The following A1BG variants were observed in gnomAD, a reference collection of about 807,000 sequenced individuals.
The protein encoded by A1BG is alpha-1-B glycoprotein.
In A1BG, 44 loss-of-function variants were observed where a neutral mutation model predicts 46.0. The observed-to-expected ratio is 0.96, with a 90% CI of 0.75 to 1.23. The LOEUF (loss-of-function observed/expected upper bound fraction) is 1.23, where lower values mean the gene tolerates loss of function less well. Among genes scored for constraint, A1BG ranks in the 50% most tolerant of loss-of-function variants. A1BG has a pLI of 0.00. For missense variants in A1BG, 707 were observed against 688.8 expected, an observed-to-expected ratio of 1.03 and a Z score of -0.30; for synonymous variants, 316 against 314.7, an observed-to-expected ratio of 1.00 and a Z score of -0.04.
rs2051948460 is a variant in A1BG at position 58,350,565 on chromosome 19, G to A, written c.997C>T (p.Arg333Cys). 1 of 1,542,340 alleles carries A rather than the reference G, an allele frequency of 6.5e-7. No individual in the cohort carries two copies. Among genetic ancestry groups the A allele is most frequent in the East Asian group, 2.5e-5 (1 of 40,390 alleles). ...CTGTCCTCGCGCACCAGGGCGAAGC[G>A]CGCGCCCTCCAGGGGCGCCAGGCAC... The part of the protein sequence containing the change: ...LRCLAPLEGA[R>C]FALVREDRGG... Residue 333 changes from arginine to cysteine, a missense_variant, in exon 6 of 8, where the codon CGC becomes TGC. Arg to Cys is a radical substitution (Grantham distance 180). Transcript: ENST00000263100.
In A1BG at chr19:58,351,642, T is replaced by C. The variant is rs899838563; in HGVS notation, c.659A>G (p.Gln220Arg). 1.2e-6 allele frequency: 2 copies of C among 1,611,286 alleles called. No homozygotes were observed. The highest frequency in any genetic ancestry group is 2.7e-5 in the African/African-American group (2 of 74,810). Residue 220 changes from glutamine to arginine, a missense_variant, in exon 5 of 8, where the codon CAG (glutamine) becomes CGG (arginine). Transcript: ENST00000263100. ...PVLMHHGESS[Q>R]VLHPGNKVTL... ...CACCTTGTTGCCAGGGTGCAGGACC[T>C]GGGAGGACTCTCCATGGTGCATCAG...
intron 4 of A1BG, 171 bp from the exon 5 acceptor site, chr19:58,351,858 G>A (rs548877519): frequency 1.7e-5 from 13 of 750,014 alleles, no homozygotes; most frequent in African/African-American, 1.5e-4. Context: ...GTGCAGTGGC[G>A]CCACTCAGCT....
In A1BG at chr19:58,352,302, A is replaced by G. The variant is rs1490338371; in HGVS notation, c.594T>C (p.Thr198=). ...AGTCACCGAGCTCCTCAATGGTCAC[A>G]GTAGCGCTGGGCTCAGAGAGGGCGC... ...GEGALSEPSA[T]VTIEELAAPP... The change falls in exon 4 of 8, where the codon ACT becomes ACC. Residue 198 remains threonine, a synonymous_variant. Transcript: ENST00000263100. The G allele has an allele frequency of 6.2e-7, 1 of 1,613,882 alleles. No individual in the cohort carries two copies. The highest frequency in any genetic ancestry group is 8.5e-7 in the Non-Finnish European group (1 of 1,179,998).
chr19:58,346,693 T>C lies in A1BG; in HGVS notation c.*329A>G. The C allele has an allele frequency of 2.5e-6, 1 of 398,268 alleles. No homozygotes were observed. 24.7% of individuals were successfully genotyped at this position (398,268 alleles called of 1,614,324 possible). A position where few individuals can be genotyped will look rare whatever the true frequency, so the allele number is the denominator to read the frequency against. ...CGGACTGCAACACTGCACTCCAGCC[T>C]GGGTGACAGTGTGAGACCCTGTCTC... is the stretch of plus-strand genomic sequence containing the variant. On this transcript the variant is annotated 3_prime_UTR_variant, in exon 8 of 8. Transcript: ENST00000263100.
intron 4 of A1BG, 45 bp from the exon 5 acceptor site, chr19:58,351,732 G>T (rs370890384): frequency 6.5e-7 from 1 of 1,532,712 alleles, no homozygotes; most frequent in Non-Finnish European, 8.8e-7. Context: ...CCCTGGAGCT[G>T]CCCTCTGCCC....
At chr19:58,352,090 G>A (rs779682271) in intron 4 of A1BG, 193 bp downstream of exon 4, 220 of 1,441,690 alleles carry the variant, frequency 1.5e-4, no homozygotes, top group South Asian at 3.4e-4. Flanking sequence ...CACCGCACCC[G>A]GCCTCACCCT....
In A1BG at chr19:58,346,823, C is replaced by A; in HGVS notation, c.*199G>T. 1 of 707,444 alleles carries A rather than the reference C, an allele frequency of 1.4e-6. No individual in the cohort carries two copies. The allele number at this position is 707,444 out of a possible 1,614,324, so 43.8% of individuals were successfully genotyped here. A position where few individuals can be genotyped will look rare whatever the true frequency, so the allele number is the denominator to read the frequency against. On this transcript the variant is annotated 3_prime_UTR_variant, in exon 8 of 8. Coordinates refer to ENST00000263100, the MANE Select transcript of A1BG (RefSeq NM_130786.4). Reference sequence around the variant, plus strand: ...CATCCACTTTGAGGACACGAGATCCCAGCCCACTCAGCCCTGGGAGTCCAA... The same window carrying A: ...CATCCACTTTGAGGACACGAGATCCAAGCCCACTCAGCCCTGGGAGTCCAA...
rs367903650 is a variant in A1BG, at chr19:58,353,232, A to G, written c.71-35T>C. The G allele has an allele frequency of 9.2e-5, 149 of 1,613,556 alleles. No homozygotes were observed. In the African/African-American group the frequency reaches 1.8e-3, roughly 20 times the overall value. On this transcript the variant is annotated intron_variant, in intron 2 of 7. Coordinates refer to ENST00000263100, the MANE Select transcript of A1BG (RefSeq NM_130786.4). ...GTGGCTGGGATCAGCTCAGTGCCAC[A>G]GAGACAGGGCTCCCCCCCGGCCTGG...
intron 4 of A1BG, chr19:58,351,979 A>G: frequency 1.1e-6 from 1 of 922,034 alleles, no homozygotes; most frequent in Middle Eastern, 3.5e-4. Context: ...TATTTTTAGT[A>G]GAGACGGGGT....
rs2051920710 is a variant in A1BG at position 58,347,373 on chromosome 19, G to A, written c.1460C>T (p.Pro487Leu). The A allele has an allele frequency of 6.2e-7, 1 of 1,612,012 alleles. No individual in the cohort carries two copies. Among genetic ancestry groups the A allele is most frequent in the Non-Finnish European group, 8.5e-7 (1 of 1,179,802 alleles). The change falls in exon 7 of 8, where the codon CCT (proline) becomes CTT (leucine). Residue 487 changes from proline (P) to leucine (L), a missense_variant. By Grantham distance (98) the Pro-to-Leu change is moderately conservative. Transcript: ENST00000263100. ...GTCACCTGCCACCAGGAGCTCCACA[G>A]GGTCGCTGAGCTCCGATTCGAAGGT... Reference protein sequence around the residue: ...PHTFESELSDPVELLVAES With the variant: ...PHTFESELSDLVELLVAES
At position 58,351,414 on chromosome 19, in the gene A1BG, G is replaced by T. The variant is rs542119157; in HGVS notation, c.887C>A (p.Pro296Gln). The change falls in exon 5 of 8, where the codon CCG becomes CAG. Residue 296 changes from proline to glutamine, a missense_variant. By Grantham distance (76) the Pro-to-Gln change is moderately conservative. Coordinates refer to ENST00000263100, the MANE Select transcript of A1BG (RefSeq NM_130786.4). ...NQNGWSGDSA[P>Q]VELILSDETL... Reference sequence around the variant, plus strand: ...ACCATCGCTCAGAATCAGCTCGACCGGCGCGCTGTCCCCGGACCAGCCGTT... The same window carrying T: ...ACCATCGCTCAGAATCAGCTCGACCTGCGCGCTGTCCCCGGACCAGCCGTT... 2 of 1,612,160 alleles carry T rather than the reference G, an allele frequency of 1.2e-6. No individual in the cohort carries two copies. Among genetic ancestry groups the T allele is most frequent in the Non-Finnish European group, 8.5e-7 (1 of 1,179,992 alleles).
At position 58,353,278 on chromosome 19, in the gene A1BG, A is replaced by AC. The variant is rs764583264; in HGVS notation, c.70+13dup. The AC allele has an allele frequency of 2.2e-5, 36 of 1,613,436 alleles. No homozygotes were observed. The South Asian group carries it at 3.6e-4, about 16-fold the overall frequency. On this transcript the variant is annotated intron_variant, in intron 2 of 7. Coordinates refer to ENST00000263100, the MANE Select transcript of A1BG (RefSeq NM_130786.4). ...CCTGGGCCCACCATTCCCAGACCTCACCCCTGCACTCACATATGGCTGCTT... is the reference window on the plus strand; with the variant it reads ...CCTGGGCCCACCATTCCCAGACCTCACCCCCTGCACTCACATATGGCTGCTT...
At chr19:58,347,697 C>CACGCCCCAGGCT in intron 6 of A1BG, 57 bp from the exon 7 acceptor site, 1 of 796,386 alleles carries the variant, frequency 1.3e-6, no homozygotes, top group Non-Finnish European at 1.7e-6. Flanking sequence ...CGCCCCAGGC[C>CACGCCCCAGGCT]ACACCCCAGG....
At position 58,352,287 on chromosome 19, in the gene A1BG, C is replaced by T. The variant is rs1222783688; in HGVS notation, c.609G>A (p.Glu203=). ...AGAGATGGTTCCCACAGTCACCGAGCTCCTCAATGGTCACAGTAGCGCTGG... is the reference window on the plus strand; with the variant it reads ...AGAGATGGTTCCCACAGTCACCGAGTTCCTCAATGGTCACAGTAGCGCTGG... The part of the protein sequence containing the change: ...SEPSATVTIE[E]LAAPPPPVLM... Residue 203 remains glutamate (E), a synonymous_variant, in exon 4 of 8, where the codon GAG becomes GAA. Coordinates refer to ENST00000263100, the MANE Select transcript of A1BG (RefSeq NM_130786.4). The T allele has an allele frequency of 5.6e-6, 9 of 1,613,318 alleles. No individual in the cohort carries two copies. The highest frequency in any genetic ancestry group is 1.7e-5 in the Admixed American group (1 of 59,988).
chr19:58,349,964 CAG>C, intron 6 of A1BG: 1 of 172,896 alleles, frequency 5.8e-6, no homozygotes, highest in South Asian at 1.6e-4. Context: ...GAGGGACAAA[CAG>C]AGCTGGGGAC....
rs375666222 is a variant in A1BG at position 58,352,466 on chromosome 19, G to T, written c.430C>A (p.Arg144=). 6.2e-7 allele frequency: 1 copy of T among 1,613,590 alleles called. No homozygotes were observed. Among genetic ancestry groups the T allele is most frequent in the Admixed American group, 1.7e-5 (1 of 60,000 alleles). Residue 144 remains arginine (R), a synonymous_variant, in exon 4 of 8, where the codon CGG becomes AGG. Coordinates refer to ENST00000263100, the MANE Select transcript of A1BG (RefSeq NM_130786.4). ...CGCCTCAGCAGAAAAGTCACACCCC[G>T]CAGCACACCTCGGCACACTGCTGTT... ...KTTAVCRGVL[R]GVTFLLRREG...
rs1451631926 is a variant in A1BG at position 58,352,722 on chromosome 19, A to C, written c.341-167T>G. 4.3e-6 allele frequency: 5 copies of C among 1,172,952 alleles called. No homozygotes were observed. The African/African-American group carries it at 6.2e-5, about 14-fold the overall frequency. 72.7% of individuals were successfully genotyped at this position (1,172,952 alleles called of 1,614,324 possible). A position where few individuals can be genotyped will look rare whatever the true frequency, so the allele number is the denominator to read the frequency against. On this transcript the variant is annotated intron_variant, in intron 3 of 7. Transcript: ENST00000263100. ...TGGAAACAAGGCATACGGCAAGAGA[A>C]AAAGAGTGTGTGGGAGCTGTACGGC...
Position 58,352,971 on chromosome 19 carries a change from T to C in A1BG, c.297A>G (p.Thr99=), listed in dbSNP as rs754626551. Residue 99 remains threonine (T), a synonymous_variant, in exon 3 of 8, where the codon ACA becomes ACG. Transcript: ENST00000263100. ...GRYRCRSGLS[T]GWTQLSKLLE... Reference sequence around the variant, plus strand: ...GGAGCTTGCTCAGCTGGGTCCATCCTGTGGACAAGCCCGAGCGGCAGCGGT... The same window carrying C: ...GGAGCTTGCTCAGCTGGGTCCATCCCGTGGACAAGCCCGAGCGGCAGCGGT... The C allele has an allele frequency of 6.2e-7, 1 of 1,613,844 alleles. No individual in the cohort carries two copies. The highest frequency in any genetic ancestry group is 8.5e-7 in the Non-Finnish European group (1 of 1,180,032).
chr19:58,346,952 G>T lies in A1BG; in HGVS notation c.*70C>A, dbSNP rs533320081. The T allele has an allele frequency of 1.3e-6, 2 of 1,568,568 alleles. No individual in the cohort carries two copies. The highest frequency in any genetic ancestry group is 1.8e-6 in the Non-Finnish European group (2 of 1,138,652). On this transcript the variant is annotated 3_prime_UTR_variant, in exon 8 of 8. Transcript: ENST00000263100. ...ACCCCGGCCTTGTGCTGCAACAGGA[G>T]GGGAGGGAGCCAGTCCAGAATCCCC...
Sources: gnomAD v4.1 joint callset for allele counts on GRCh38, gnomAD v4.1.1 for gene constraint, MANE v1.5 for transcripts, NCBI Gene and HGNC (gene_info 2026-07-23, HGNC 2026-07-21) for gene names.